Variants in TTC39B observed in about 807,000 individuals in gnomAD.
TTC39B encodes tetratricopeptide repeat domain 39B.
TTC39B carries 92 observed loss-of-function variants against 96.6 expected under a neutral mutation model. The ratio of observed to expected loss-of-function variants is 0.95; its 90% CI spans 0.80 to 1.13. TTC39B has a LOEUF of 1.13. TTC39B is among the 50% of genes most tolerant of loss of function. The pLI, the probability that TTC39B is intolerant of heterozygous loss-of-function variation, is 0.00. For synonymous variants in TTC39B, 367 were observed against 299.4 expected (o/e 1.23, Z -2.33); for missense variants, 955 against 809.3 (o/e 1.18, Z -2.18).
chr9:15,203,945 C>T (rs1819694383), intron 6 of TTC39B, 55 bp from the exon 7 acceptor site: 12 of 1,485,892 alleles, frequency 8.1e-6, no homozygotes, highest in Non-Finnish European at 1.1e-5. Context: ...AAAGTGATTG[C>T]TCTGTGATGT....
In TTC39B at chr9:15,234,796, C is replaced by G. The variant is rs1821690555; in HGVS notation, c.276-8784G>C. On this transcript the variant is annotated intron_variant, in intron 2 of 19. Coordinates refer to ENST00000512701, the Ensembl canonical transcript of TTC39B. ...AGGGTTAAATGGATTAAGGGCGGTGCAAGATGTGCTTTCTTAAACAGATGC... is the reference window on the plus strand; with the variant it reads ...AGGGTTAAATGGATTAAGGGCGGTGGAAGATGTGCTTTCTTAAACAGATGC... Among the ~76,000 whole-genome samples, 2 of 151,828 alleles carry G rather than the reference C, an allele frequency of 1.3e-5. 1 individual carries two copies. The highest frequency in any genetic ancestry group is 2.9e-5 in the Non-Finnish European group (2 of 67,920).
chr9:15,195,367 C>T (rs536569615), intron 8 of TTC39B, among the ~76,000 whole-genome samples: 14 of 151,912 alleles, frequency 9.2e-5, no homozygotes, highest in Non-Finnish European at 1.0e-4. Context: ...GGAAAGACAC[C>T]ATCTCTATAA....
At chr9:15,165,347 A>AG (rs1467963679) in exon 20 of TTC39B, 15 of 152,226 alleles carry the variant, frequency 9.9e-5, no homozygotes, top group Admixed American at 5.9e-4. Context: ...ACTCTGTCTC[A>AG]GGGAAAAAAA....
At chr9:15,177,600 T>G (rs1373672965) in intron 18 of TTC39B, 97 bp downstream of exon 18, 4 of 775,822 alleles carry the variant, frequency 5.2e-6, no homozygotes, top group Non-Finnish European at 6.4e-6. Context: ...AGTAAGAGTT[T>G]AGCAGTAAGA....
Position 15,294,235 on chromosome 9 carries a change from C to G in TTC39B, c.240+12849G>C, listed in dbSNP as rs565316199. Among the ~76,000 whole-genome samples, 4 of 152,066 alleles carry G rather than the reference C, an allele frequency of 2.6e-5. No homozygotes were observed. The South Asian group carries it at 8.3e-4, about 32-fold the overall frequency. ...GCTGGAAAAAAAAAAAGCAGTCTAG[C>G]GCAGTACACTGCTTTAGGGCACAGC... On this transcript the variant is annotated intron_variant, in intron 1 of 19. Transcript: ENST00000512701.
chr9:15,275,588 G>A (rs969293115), intron 1 of TTC39B, among the ~76,000 whole-genome samples: 1 of 152,122 alleles, frequency 6.6e-6, no homozygotes, highest in African/African-American at 2.4e-5. Context: ...AAGTCTTCTG[G>A]GAGAAGGAGG....
At chr9:15,209,051 T>G (rs1419290252) in intron 6 of TTC39B, among the ~76,000 whole-genome samples, 6 of 152,216 alleles carry the variant, frequency 3.9e-5, no homozygotes, top group Admixed American at 3.9e-4. Context: ...GTATGGTATA[T>G]TCTAGTATTT....
chr9:15,286,179 C>A (rs1165492877), intron 1 of TTC39B, among the ~76,000 whole-genome samples: 1 of 152,240 alleles, frequency 6.6e-6, no homozygotes, highest in African/African-American at 2.4e-5. Context: ...ATTCTGTCAA[C>A]TGACCCAGCA....
At chr9:15,249,919 G>A in intron 2 of TTC39B, 3 of 1,274,978 alleles carry the variant, frequency 2.4e-6, no homozygotes, top group Non-Finnish European at 3.0e-6. Flanking sequence ...CATACTCACA[G>A]ATTTAGAGCA....
chr9:15,180,534 T>C (rs532513151), intron 17 of TTC39B, among the ~76,000 whole-genome samples: 1 of 152,342 alleles, frequency 6.6e-6, no homozygotes, highest in African/African-American at 2.4e-5. Flanking sequence ...TTGTATCCTC[T>C]ACCATCTTTT....
chr9:15,189,857 C>G (rs1366334400), intron 11 of TTC39B, 65 bp from the exon 12 acceptor site: 3 of 1,120,928 alleles, frequency 2.7e-6, no homozygotes, highest in African/African-American at 1.5e-5. Context: ...ACCAGCTCTC[C>G]AAATTTCATT....
chr9:15,241,227 G>A (rs970675935), intron 2 of TTC39B, among the ~76,000 whole-genome samples: 3 of 151,734 alleles, frequency 2.0e-5, no homozygotes, highest in African/African-American at 4.8e-5. Flanking sequence ...CTCTCAAGAG[G>A]TACTTCCCTT....
rs147412965 is a variant in TTC39B at position 15,190,423 on chromosome 9, G to A, written c.1105+131C>T. 4.5e-3 allele frequency: 3,083 copies of A among 692,286 alleles called. 8 individuals are homozygous for A. Among genetic ancestry groups the A allele is most frequent in the African/African-American group, 7.4e-3 (425 of 57,098 alleles). The allele number at this position is 692,286 out of a possible 1,614,324, so 42.9% of individuals were successfully genotyped here. Reference sequence around the variant, plus strand: ...TGCAGTGACGTGATCATAGCTCACCGCAGCCTCAAACTCCTGGGTTCAACT... The same window carrying A: ...TGCAGTGACGTGATCATAGCTCACCACAGCCTCAAACTCCTGGGTTCAACT... On this transcript the variant is annotated intron_variant, in intron 11 of 19. Coordinates refer to ENST00000512701, the Ensembl canonical transcript of TTC39B.
intron 6 of TTC39B, 31 bp downstream of exon 6, chr9:15,210,057 G>T: frequency 6.7e-7 from 1 of 1,484,948 alleles, no homozygotes; most frequent in South Asian, 1.2e-5. Flanking sequence ...TTAAAATCAA[G>T]GAAAAAAGTG....
At chr9:15,195,126 A>G (rs910048415) in intron 8 of TTC39B, among the ~76,000 whole-genome samples, 1 of 152,236 alleles carries the variant, frequency 6.6e-6, no homozygotes, top group Non-Finnish European at 1.5e-5. Flanking sequence ...GAAGAAAATT[A>G]AAAGTGCTAC....
rs1819428679 is a variant in TTC39B at position 15,199,860 on chromosome 9, C to G, written c.824+1G>C. On this transcript the variant is annotated splice_donor_variant, in intron 8 of 19. Transcript: ENST00000512701. LOFTEE classifies it high-confidence loss of function. ...AAACCACATCTTACTTTTTAACTTA[C>G]TTATATATTTGGTAACTTGTTCTAA... 3 of 1,418,454 alleles carry G rather than the reference C, an allele frequency of 2.1e-6. No homozygotes were observed. In the African/African-American group the frequency reaches 4.4e-5, roughly 21 times the overall value. 87.9% of individuals were successfully genotyped at this position (1,418,454 alleles called of 1,614,324 possible).
At chr9:15,288,187 G>T (rs562306220) in intron 1 of TTC39B, among the ~76,000 whole-genome samples, 7 of 152,208 alleles carry the variant, frequency 4.6e-5, no homozygotes, top group African/African-American at 1.4e-4. Context: ...ACATCCATAT[G>T]ATATGGACAG....
At chr9:15,261,373 G>A (rs563784983) in intron 2 of TTC39B, among the ~76,000 whole-genome samples, 1 of 152,226 alleles carries the variant, frequency 6.6e-6, no homozygotes, top group South Asian at 2.1e-4. Flanking sequence ...CTACTTGGGA[G>A]GCTAGGTGGG....
intron 2 of TTC39B, among the ~76,000 whole-genome samples, chr9:15,264,279 T>C (rs1823043909): frequency 6.6e-6 from 1 of 152,162 alleles, no homozygotes; most frequent in Admixed American, 6.5e-5. Context: ...GGATTATAGT[T>C]AATAAGAAAT....
Sources: allele counts gnomAD v4.1 joint callset (sites outside exome capture counted in the v4.1 genomes callset), GRCh38; gene constraint gnomAD v4.1.1; transcripts MANE v1.5; gene names NCBI Gene and HGNC (gene_info 2026-07-23, HGNC 2026-07-21).